DIAPH3: variants seen among roughly 807,000 people sequenced by gnomAD.
DIAPH3 encodes the protein protein diaphanous homolog 3.
In DIAPH3, 117 loss-of-function variants were observed where a neutral mutation model predicts 144.3. The observed-to-expected ratio is 0.81, with a 90% CI of 0.70 to 0.95. DIAPH3 has a LOEUF of 0.95. DIAPH3 is among the 40% of genes least tolerant of loss of function. DIAPH3 has a pLI of 0.00. For missense variants in DIAPH3, 1,421 were observed against 1,412.7 expected (o/e 1.01, Z -0.09); for synonymous variants, 519 against 488.9 (o/e 1.06, Z -0.81).
chr13:59,767,297 G>A (rs1204310759), intron 27 of DIAPH3, among the ~76,000 whole-genome samples: 2 of 152,116 alleles, frequency 1.3e-5, no homozygotes, highest in Non-Finnish European at 2.9e-5. Flanking sequence ...GTTCTCAAAT[G>A]GCAAACAATT....
chr13:59,963,116 A>G (rs1192368296), intron 17 of DIAPH3, among the ~76,000 whole-genome samples: 1 of 152,206 alleles, frequency 6.6e-6, no homozygotes, highest in African/African-American at 2.4e-5. Flanking sequence ...CTTTTAAGAT[A>G]CAGAGATGCA....
At chr13:59,850,245 A>C (rs1412629330) in intron 22 of DIAPH3, among the ~76,000 whole-genome samples, 3 of 151,486 alleles carry the variant, frequency 2.0e-5, no homozygotes, top group Non-Finnish European at 4.4e-5. Flanking sequence ...TTTCTAGATA[A>C]ACAATCATGT....
chr13:59,713,035 A>G (rs1478587484), intron 27 of DIAPH3, among the ~76,000 whole-genome samples: 1 of 152,162 alleles, frequency 6.6e-6, no homozygotes, highest in Admixed American at 6.5e-5. Flanking sequence ...ATCTGACAGG[A>G]GGCGGAGCTC....
chr13:60,069,951 C>T (rs920308550), intron 4 of DIAPH3, among the ~76,000 whole-genome samples: 1 of 152,110 alleles, frequency 6.6e-6, no homozygotes, highest in African/African-American at 2.4e-5. Context: ...ATTGTCTTGG[C>T]TATTCAAGCT....
chr13:60,056,532 G>C (rs1236955746), intron 4 of DIAPH3, among the ~76,000 whole-genome samples: 1 of 151,462 alleles, frequency 6.6e-6, no homozygotes, highest in African/African-American at 2.4e-5. Flanking sequence ...CTGTCTATAA[G>C]GGCCTAGAAG....
At chr13:59,988,376 CTAA>C (rs1313066426) in intron 12 of DIAPH3, among the ~76,000 whole-genome samples, 3 of 151,792 alleles carry the variant, frequency 2.0e-5, no homozygotes, top group East Asian at 1.9e-4. Flanking sequence ...CAACATTATT[CTAA>C]TGTTTTTAAA....
intron 22 of DIAPH3, among the ~76,000 whole-genome samples, chr13:59,854,164 T>A (rs1359246656): frequency 6.6e-6 from 1 of 151,668 alleles, no homozygotes; most frequent in Non-Finnish European, 1.5e-5. Context: ...GAGTGATGCA[T>A]CTACAAGCCA....
chr13:59,810,655 T>G (rs1276928497), intron 25 of DIAPH3, 133 bp downstream of exon 25: 1 of 981,864 alleles, frequency 1.0e-6, no homozygotes, highest in Non-Finnish European at 1.5e-6. Flanking sequence ...AAAGAAAGAA[T>G]TGTTCTATGG....
intron 12 of DIAPH3, among the ~76,000 whole-genome samples, chr13:59,988,742 C>T (rs917534104): frequency 1.3e-5 from 2 of 151,826 alleles, no homozygotes; most frequent in African/African-American, 4.8e-5. Flanking sequence ...CTTCACTTTT[C>T]TCTGTGGTAT....
At chr13:59,735,773 T>C (rs1309171044) in intron 27 of DIAPH3, among the ~76,000 whole-genome samples, 5 of 152,158 alleles carry the variant, frequency 3.3e-5, no homozygotes, top group Admixed American at 2.6e-4. Flanking sequence ...TTTGTTGTTA[T>C]TGTTGTTTGT....
intron 25 of DIAPH3, among the ~76,000 whole-genome samples, chr13:59,779,268 G>T (rs2038598854): frequency 6.6e-6 from 1 of 152,118 alleles, no homozygotes; most frequent in South Asian, 2.1e-4. Context: ...TGAGACACTA[G>T]ACTATTATAT....
chr13:59,809,502 CAAA>C (rs58693079), intron 25 of DIAPH3, among the ~76,000 whole-genome samples: 11 of 105,362 alleles, frequency 1.0e-4, no homozygotes, highest in Admixed American at 1.1e-4. Context: ...AACTCCATCT[CAAA>C]AAAAAAAAAA....
intron 8 of DIAPH3, among the ~76,000 whole-genome samples, chr13:60,008,935 T>C (rs560514738): frequency 5.3e-5 from 8 of 152,306 alleles, no homozygotes; most frequent in Non-Finnish European, 1.2e-4. Flanking sequence ...TTTTAAAGTA[T>C]ATAACAATTG....
chr13:59,744,048 C>A (rs1248711935), intron 27 of DIAPH3, among the ~76,000 whole-genome samples: 1 of 152,082 alleles, frequency 6.6e-6, no homozygotes, highest in Non-Finnish European at 1.5e-5. Context: ...TTCTATATTT[C>A]TAAACAACTA....
chr13:59,972,805 T>C (rs774200525), intron 15 of DIAPH3, among the ~76,000 whole-genome samples: 7 of 152,192 alleles, frequency 4.6e-5, no homozygotes, highest in Admixed American at 4.6e-4. Context: ...ACTGTGACTA[T>C]CTTGCTCATC....
intron 27 of DIAPH3, among the ~76,000 whole-genome samples, chr13:59,702,949 A>T (rs2034195233): frequency 6.6e-6 from 1 of 152,124 alleles, no homozygotes; most frequent in African/African-American, 2.4e-5. Flanking sequence ...CCCTGTGGGG[A>T]AGCCTGCCTT....
chr13:59,890,465 T>C (rs1483492206), intron 20 of DIAPH3, among the ~76,000 whole-genome samples: 2 of 152,116 alleles, frequency 1.3e-5, no homozygotes, highest in Admixed American at 6.6e-5. Flanking sequence ...TGTCCAGTTT[T>C]ATCACCGTTA....
chr13:59,896,674 A>C (rs2046120384), intron 20 of DIAPH3, among the ~76,000 whole-genome samples: 1 of 152,130 alleles, frequency 6.6e-6, no homozygotes, highest in African/African-American at 2.4e-5. Flanking sequence ...CGTTGATTTT[A>C]ATTTCAGGGG....
Position 60,083,969 on chromosome 13 carries a change from T to C in DIAPH3, c.495+9659A>G, listed in dbSNP as rs192661053. 9.3e-5 allele frequency among the ~76,000 whole-genome samples: 14 copies of C among 150,808 alleles called. 1 individual carries two copies. In the East Asian group the frequency reaches 2.5e-3, roughly 27 times the overall value. ...GATGGATGGATGGATGAATAAACTA[T>C]AGTCTGAGGATGCACTTTTGAGTGA... On this transcript the variant is annotated intron_variant, in intron 4 of 27. Coordinates refer to ENST00000400324, the MANE Select transcript of DIAPH3 (RefSeq NM_001042517.2).
Sources: gnomAD v4.1 joint callset for allele counts (sites outside exome capture counted in the v4.1 genomes callset) on GRCh38, gnomAD v4.1.1 for gene constraint, MANE v1.5 for transcripts, NCBI Gene and HGNC (gene_info 2026-07-23, HGNC 2026-07-21) for gene names.